CDK14: variants seen among roughly 807,000 people sequenced by gnomAD.
CDK14 encodes cyclin-dependent kinase 14.
Under a neutral mutation model 60.7 loss-of-function variants are expected in CDK14, and 34 were observed. That is an observed-to-expected ratio of 0.56 (90% CI 0.43 to 0.75). The LOEUF is 0.75. Among genes scored for constraint, CDK14 ranks in the 30% least tolerant of loss-of-function variants. The pLI is 0.00. For missense variants in CDK14, 482 were observed against 564.1 expected (o/e 0.85, Z 1.47); for synonymous variants, 197 against 203.7 (o/e 0.97, Z 0.28).
intron 12 of CDK14, among the ~76,000 whole-genome samples, chr7:91,093,638 A>T (rs1028799239): frequency 6.6e-6 from 1 of 152,238 alleles, no homozygotes; most frequent in African/African-American, 2.4e-5. Flanking sequence ...ATTTAAAAAC[A>T]GAACTACCAT....
At chr7:90,642,283 C>T (rs1278339267) in intron 2 of CDK14, among the ~76,000 whole-genome samples, 1 of 152,210 alleles carries the variant, frequency 6.6e-6, no homozygotes, top group African/African-American at 2.4e-5. Flanking sequence ...ATGTGATGAA[C>T]TGTTGCACAT....
chr7:90,604,426 T>C (rs763768790), intron 2 of CDK14, among the ~76,000 whole-genome samples, 177 bp downstream of exon 2: 1 of 152,262 alleles, frequency 6.6e-6, no homozygotes, highest in Non-Finnish European at 1.5e-5. Context: ...AAATGAGTTT[T>C]GGTAGCAAGT....
chr7:91,170,566 A>G lies in CDK14; in HGVS notation c.*29-36599A>G, dbSNP rs1801483789. Among the ~76,000 whole-genome samples, 6 of 152,306 alleles carry G rather than the reference A, an allele frequency of 3.9e-5. No homozygotes were observed. In the South Asian group the frequency reaches 1.2e-3, roughly 32 times the overall value. Reference sequence around the variant, plus strand: ...CTGTCCACATAGAAAAATTATTTTTAAAGTGGAGAGATAGAAATAAATCAT... The same window carrying G: ...CTGTCCACATAGAAAAATTATTTTTGAAGTGGAGAGATAGAAATAAATCAT... On this transcript the variant is annotated intron_variant, in intron 14 of 14. Transcript: ENST00000380050.
At chr7:90,871,287 T>C (rs1382855845) in intron 6 of CDK14, among the ~76,000 whole-genome samples, 1 of 152,030 alleles carries the variant, frequency 6.6e-6, no homozygotes, top group African/African-American at 2.4e-5. Flanking sequence ...TATTTGGTTT[T>C]AAAAAAAGAA....
intron 11 of CDK14, among the ~76,000 whole-genome samples, chr7:91,066,488 A>G (rs1805950521): frequency 6.6e-6 from 1 of 152,232 alleles, no homozygotes; most frequent in Non-Finnish European, 1.5e-5. Flanking sequence ...TCTGTCATTG[A>G]AGTTAAAAAC....
chr7:90,691,107 C>T (rs1212613521), intron 2 of CDK14, among the ~76,000 whole-genome samples: 2 of 151,922 alleles, frequency 1.3e-5, no homozygotes, highest in Non-Finnish European at 2.9e-5. Flanking sequence ...TTTGGTCACA[C>T]AATTTGGTGT....
intron 2 of CDK14, among the ~76,000 whole-genome samples, chr7:90,707,615 C>T (rs2116632503): frequency 6.6e-6 from 1 of 152,292 alleles, no homozygotes; most frequent in Non-Finnish European, 1.5e-5. Context: ...TTACAGGGCC[C>T]TTTCTGCCCT....
chr7:90,646,779 C>T (rs1054229277), intron 2 of CDK14, among the ~76,000 whole-genome samples: 2 of 152,098 alleles, frequency 1.3e-5, no homozygotes, highest in African/African-American at 2.4e-5. Context: ...TATGGATGTA[C>T]TATAATTTAT....
intron 3 of CDK14, among the ~76,000 whole-genome samples, chr7:90,737,105 C>T (rs532756207): frequency 2.0e-5 from 3 of 152,236 alleles, no homozygotes; most frequent in South Asian, 2.1e-4. Context: ...TGTTTAATAC[C>T]GTCACTGATG....
At chr7:90,818,259 T>G (rs1032847950) in intron 5 of CDK14, among the ~76,000 whole-genome samples, 1 of 152,210 alleles carries the variant, frequency 6.6e-6, no homozygotes, top group African/African-American at 2.4e-5. Flanking sequence ...AAAAATGGAT[T>G]AACCAGATAT....
chr7:91,151,054 A>G (rs1270117583), intron 14 of CDK14, among the ~76,000 whole-genome samples: 2 of 152,196 alleles, frequency 1.3e-5, no homozygotes, highest in African/African-American at 4.8e-5. Context: ...TAATGCCTGC[A>G]GTGTCCCGAG....
intron 10 of CDK14, among the ~76,000 whole-genome samples, chr7:91,009,682 G>T (rs1796094163): frequency 6.6e-6 from 1 of 151,968 alleles, no homozygotes; most frequent in Non-Finnish European, 1.5e-5. Flanking sequence ...TTTTTTATTG[G>T]ATTACTAATT....
At position 90,904,098 on chromosome 7, in the gene CDK14, A is replaced by T. The variant is rs564507669; in HGVS notation, c.702+4745A>T. Among the ~76,000 whole-genome samples the T allele has an allele frequency of 9.0e-4, 137 of 152,134 alleles. 3 individuals are homozygous for T. In the South Asian group the frequency reaches 0.024, roughly 27 times the overall value. On this transcript the variant is annotated intron_variant, in intron 7 of 14. Transcript: ENST00000380050. ...TCTGCCAGCAGGGGAGTGGGTGGTG[A>T]CCCAGAATAAGGTGGGGGTTGTGTA...
At chr7:90,652,781 T>C (rs749744530) in intron 2 of CDK14, among the ~76,000 whole-genome samples, 18 of 152,180 alleles carry the variant, frequency 1.2e-4, no homozygotes, top group Non-Finnish European at 2.6e-4. Context: ...AACCTGAGGC[T>C]TAAAGGTTAA....
At chr7:91,045,609 A>G (rs1797209992) in intron 10 of CDK14, among the ~76,000 whole-genome samples, 1 of 152,192 alleles carries the variant, frequency 6.6e-6, no homozygotes, top group Non-Finnish European at 1.5e-5. Context: ...TGAAGATGAC[A>G]GCTCATTGTT....
intron 10 of CDK14, among the ~76,000 whole-genome samples, chr7:91,009,955 T>C (rs1265009207): frequency 6.6e-6 from 1 of 152,144 alleles, no homozygotes; most frequent in Non-Finnish European, 1.5e-5. Flanking sequence ...AATTTTTGTT[T>C]ATGGTGCCAG....
chr7:90,761,030 A>G (rs550744698), intron 4 of CDK14, among the ~76,000 whole-genome samples: 15 of 152,374 alleles, frequency 9.8e-5, no homozygotes, highest in Non-Finnish European at 1.9e-4. Flanking sequence ...TCATTGGTAC[A>G]GCTGGTTTCA....
At chr7:90,741,897 G>T (rs1803364280) in intron 3 of CDK14, among the ~76,000 whole-genome samples, 1 of 151,910 alleles carries the variant, frequency 6.6e-6, no homozygotes, top group Admixed American at 6.6e-5. Flanking sequence ...ACAGTATATT[G>T]AATTTTAAAA....
chr7:90,611,831 GTT>G (rs752667605), intron 2 of CDK14, among the ~76,000 whole-genome samples: 4 of 128,258 alleles, frequency 3.1e-5, no homozygotes, highest in Non-Finnish European at 6.7e-5. Flanking sequence ...ATCTTTGTGT[GTT>G]TTTTTTTTTT....
Sources: gnomAD v4.1 joint callset for allele counts (sites outside exome capture counted in the v4.1 genomes callset) on GRCh38, gnomAD v4.1.1 for gene constraint, MANE v1.5 for transcripts, NCBI Gene and HGNC (gene_info 2026-07-23, HGNC 2026-07-21) for gene names.